The following EPHA6 variants were observed in gnomAD, a reference collection of about 807,000 sequenced individuals.
The protein encoded by EPHA6 is EPH receptor A6.
EPHA6 carries 50 observed loss-of-function variants against 112.0 expected under a neutral mutation model. The observed-to-expected ratio is 0.45, with a 90% CI of 0.36 to 0.56. The LOEUF is 0.56. Ranked by LOEUF, EPHA6 falls within the 20% of genes least tolerant of loss-of-function variation. EPHA6 has a pLI of 0.00. For missense variants in EPHA6, 1,280 were observed against 1,417.4 expected (o/e 0.90, Z 1.56); for synonymous variants, 529 against 490.7 (o/e 1.08, Z -1.03).
intron 2 of EPHA6, among the ~76,000 whole-genome samples, chr3:96,889,576 C>A (rs1227507643): frequency 6.6e-6 from 1 of 152,076 alleles, no homozygotes; most frequent in East Asian, 1.9e-4. Flanking sequence ...GGGGAAACCA[C>A]CTCAATGATT....
chr3:97,342,438 G>A (rs1322817578), intron 5 of EPHA6, among the ~76,000 whole-genome samples: 6 of 152,154 alleles, frequency 3.9e-5, no homozygotes. Context: ...GGCAGCCAGT[G>A]ATTTGATTTT....
At chr3:97,262,054 C>T (rs1164492831) in intron 5 of EPHA6, among the ~76,000 whole-genome samples, 1 of 152,122 alleles carries the variant, frequency 6.6e-6, no homozygotes, top group Non-Finnish European at 1.5e-5. Flanking sequence ...TCTTGCTTCT[C>T]TACTTAATGC....
At chr3:97,419,435 C>A (rs2088425237) in intron 6 of EPHA6, among the ~76,000 whole-genome samples, 1 of 151,854 alleles carries the variant, frequency 6.6e-6, no homozygotes, top group Non-Finnish European at 1.5e-5. Context: ...ACCAGCCTGG[C>A]CAACATAGTG....
intron 3 of EPHA6, among the ~76,000 whole-genome samples, chr3:97,024,441 T>A (rs1050779481): frequency 6.6e-6 from 1 of 152,166 alleles, no homozygotes; most frequent in African/African-American, 2.4e-5. Flanking sequence ...GCACATACCC[T>A]GACATTTTAT....
At chr3:96,926,165 G>T (rs1219024649) in intron 2 of EPHA6, among the ~76,000 whole-genome samples, 1 of 152,168 alleles carries the variant, frequency 6.6e-6, no homozygotes, top group Admixed American at 6.5e-5. Context: ...AAGCAAGCAT[G>T]TCTTACATGG....
chr3:97,173,553 C>T (rs2076753287), intron 3 of EPHA6, among the ~76,000 whole-genome samples: 1 of 151,760 alleles, frequency 6.6e-6, no homozygotes, highest in African/African-American at 2.4e-5. Context: ...GGAAACAGAA[C>T]ATTAACTACA....
At chr3:97,743,721 A>G (rs1308168026) in intron 16 of EPHA6, among the ~76,000 whole-genome samples, 2 of 152,124 alleles carry the variant, frequency 1.3e-5, no homozygotes, top group Non-Finnish European at 2.9e-5. Flanking sequence ...GTGCAAGAGA[A>G]GAAAAGCCTT....
chr3:97,605,501 C>T (rs780286687), intron 12 of EPHA6, among the ~76,000 whole-genome samples: 2 of 151,422 alleles, frequency 1.3e-5, no homozygotes, highest in African/African-American at 4.8e-5. Flanking sequence ...CATTTGTTGA[C>T]TAGGAAGTCC....
chr3:97,529,849 G>A (rs945592955), intron 10 of EPHA6, among the ~76,000 whole-genome samples: 4 of 151,834 alleles, frequency 2.6e-5, no homozygotes, highest in Non-Finnish European at 5.9e-5. Flanking sequence ...ACACCTGCCT[G>A]GTGTTAATAA....
At chr3:96,825,057 C>T (rs2033557108) in intron 1 of EPHA6, among the ~76,000 whole-genome samples, 1 of 151,886 alleles carries the variant, frequency 6.6e-6, no homozygotes, top group African/African-American at 2.4e-5. Context: ...ATGAGTCTCA[C>T]ATTTATCAGG....
chr3:97,490,800 T>G (rs1304867784), intron 10 of EPHA6, among the ~76,000 whole-genome samples: 1 of 152,212 alleles, frequency 6.6e-6, no homozygotes, highest in African/African-American at 2.4e-5. Flanking sequence ...GATTCAGGAA[T>G]GGCTTAGCTC....
At chr3:97,334,966 ACT>A (rs377458998) in intron 5 of EPHA6, among the ~76,000 whole-genome samples, 94 of 152,046 alleles carry the variant, frequency 6.2e-4, no homozygotes, top group African/African-American at 2.2e-3. Flanking sequence ...CCTGTTATAA[ACT>A]CTGTCTTTGT....
intron 15 of EPHA6, among the ~76,000 whole-genome samples, chr3:97,726,862 A>G (rs2034794088): frequency 6.6e-6 from 1 of 152,074 alleles, no homozygotes; most frequent in African/African-American, 2.4e-5. Flanking sequence ...AGCAGGCAAC[A>G]TTAAATAACC....
intron 3 of EPHA6, among the ~76,000 whole-genome samples, chr3:97,198,331 G>T (rs1231965759): frequency 3.9e-5 from 6 of 152,106 alleles, no homozygotes; most frequent in African/African-American, 1.2e-4. Context: ...GCAAAAAAAT[G>T]TGTGTGACTG....
At chr3:97,142,949 C>T (rs1402035274) in intron 3 of EPHA6, among the ~76,000 whole-genome samples, 2 of 151,810 alleles carry the variant, frequency 1.3e-5, no homozygotes, top group Non-Finnish European at 2.9e-5. Flanking sequence ...TGTCACCACT[C>T]CTATTCAACA....
At chr3:97,732,017 C>T (rs35100302) in intron 15 of EPHA6, among the ~76,000 whole-genome samples, 64,217 of 151,690 alleles carry the variant, frequency 0.42, 13,800 homozygotes, top group Non-Finnish European at 0.48. Context: ...GATCCTTTGA[C>T]TCCCCAGTGC....
At chr3:97,438,877 T>A (rs949889525) in intron 6 of EPHA6, among the ~76,000 whole-genome samples, 1 of 152,198 alleles carries the variant, frequency 6.6e-6, no homozygotes, top group African/African-American at 2.4e-5. Flanking sequence ...CCAGTTTTCA[T>A]AGATGAACTG....
At chr3:97,238,059 G>A (rs2078732221) in intron 4 of EPHA6, among the ~76,000 whole-genome samples, 1 of 151,884 alleles carries the variant, frequency 6.6e-6, no homozygotes, top group African/African-American at 2.4e-5. Context: ...ATAGTTGATA[G>A]CTACCATTTT....
chr3:96,913,748 G>T (rs1403169378), intron 2 of EPHA6, among the ~76,000 whole-genome samples: 3 of 152,016 alleles, frequency 2.0e-5, no homozygotes, highest in Non-Finnish European at 4.4e-5. Context: ...AATCTATAGG[G>T]ATCTAAGCAC....
Sources: gnomAD v4.1 joint callset for allele counts (sites outside exome capture counted in the v4.1 genomes callset) on GRCh38, gnomAD v4.1.1 for gene constraint, MANE v1.5 for transcripts, NCBI Gene and HGNC (gene_info 2026-07-23, HGNC 2026-07-21) for gene names.